Variants in KCNJ6 observed in about 807,000 individuals in gnomAD.
KCNJ6 encodes the protein G protein-activated inward rectifier potassium channel 2.
In KCNJ6, 9 loss-of-function variants were observed where a neutral mutation model predicts 34.2. The ratio of observed to expected loss-of-function variants is 0.26; its 90% CI spans 0.16 to 0.46. The LOEUF is 0.46. Ranked by LOEUF, KCNJ6 falls within the 20% of genes least tolerant of loss-of-function variation. KCNJ6 has a pLI of 1.00. For missense variants in KCNJ6, 236 were observed against 531.3 expected, an observed-to-expected ratio of 0.44 and a Z score of 5.46; for synonymous variants, 196 against 207.1, an observed-to-expected ratio of 0.95 and a Z score of 0.46.
At chr21:37,777,394 ACT>A (rs2123508654) in intron 2 of KCNJ6, among the ~76,000 whole-genome samples, 1 of 151,488 alleles carries the variant, frequency 6.6e-6, no homozygotes, top group East Asian at 1.9e-4. Flanking sequence ...CTTTCCCTGG[ACT>A]CTCTGATTGG....
intron 3 of KCNJ6, among the ~76,000 whole-genome samples, chr21:37,709,028 T>A (rs557423683): frequency 6.6e-6 from 1 of 152,350 alleles, no homozygotes; most frequent in African/African-American, 2.4e-5. Flanking sequence ...GCTTATTTAA[T>A]TTTGATTTCA....
At position 37,735,786 on chromosome 21, in the gene KCNJ6, C is replaced by T. The variant is rs1334874657; in HGVS notation, c.26-20655G>A. Among the ~76,000 whole-genome samples, 6 of 152,200 alleles carry T rather than the reference C, an allele frequency of 3.9e-5. No homozygotes were observed. The South Asian group carries it at 1.2e-3, about 31-fold the overall frequency. On this transcript the variant is annotated intron_variant, in intron 2 of 3. Transcript: ENST00000609713. ...GAGGATGCTGAAGGCACAGCTCCCA[C>T]CTCTACGGCAGCTGTGGCAGTGGCA...
At chr21:37,705,497 A>T (rs1193642644) in intron 3 of KCNJ6, among the ~76,000 whole-genome samples, 2 of 152,254 alleles carry the variant, frequency 1.3e-5, no homozygotes, top group African/African-American at 4.8e-5. Flanking sequence ...CTATGAGAAC[A>T]GTATGATTCA....
At chr21:37,792,650 G>A (rs1360654747) in intron 2 of KCNJ6, among the ~76,000 whole-genome samples, 1 of 152,084 alleles carries the variant, frequency 6.6e-6, no homozygotes, top group Non-Finnish European at 1.5e-5. Context: ...GTTTACATTG[G>A]CATTGTTTTG....
intron 3 of KCNJ6, among the ~76,000 whole-genome samples, chr21:37,692,449 C>T (rs1009736657): frequency 1.3e-5 from 2 of 152,170 alleles, no homozygotes; most frequent in African/African-American, 4.8e-5. Flanking sequence ...CCAGTCCCAG[C>T]TCCCACACTG....
At chr21:37,805,114 G>A (rs2055287472) in intron 2 of KCNJ6, among the ~76,000 whole-genome samples, 1 of 152,142 alleles carries the variant, frequency 6.6e-6, no homozygotes, top group Admixed American at 6.5e-5. Context: ...AGGAAAGGGG[G>A]CAGGTGGAAT....
chr21:37,832,791 G>A (rs576372596), intron 2 of KCNJ6, among the ~76,000 whole-genome samples: 31 of 152,202 alleles, frequency 2.0e-4, no homozygotes, highest in Admixed American at 5.2e-4. Flanking sequence ...AGGTCGGTGG[G>A]AAGAGAGAAC....
At chr21:37,639,297 A>G (rs1601398523) in intron 3 of KCNJ6, among the ~76,000 whole-genome samples, 3 of 152,248 alleles carry the variant, frequency 2.0e-5, no homozygotes, top group South Asian at 2.1e-4. Flanking sequence ...TTAATTCTAC[A>G]GATGCACTTT....
intron 1 of KCNJ6, among the ~76,000 whole-genome samples, chr21:37,849,802 A>G (rs756407262): frequency 6.6e-6 from 1 of 152,214 alleles, no homozygotes; most frequent in Non-Finnish European, 1.5e-5. Context: ...TGGATGTAGG[A>G]CTTGTCATTC....
At chr21:37,651,786 G>A (rs2054434863) in intron 3 of KCNJ6, among the ~76,000 whole-genome samples, 1 of 152,158 alleles carries the variant, frequency 6.6e-6, no homozygotes, top group Non-Finnish European at 1.5e-5. Flanking sequence ...GCTCTAAGAG[G>A]AGCTGTCAAA....
chr21:37,915,570 G>A (rs1311158296), intron 1 of KCNJ6, among the ~76,000 whole-genome samples: 2 of 152,232 alleles, frequency 1.3e-5, no homozygotes, highest in African/African-American at 4.8e-5. Context: ...GTCTTTGCCA[G>A]CGGATGTTGA....
chr21:37,787,523 G>A (rs552016564), intron 2 of KCNJ6, among the ~76,000 whole-genome samples: 6 of 152,328 alleles, frequency 3.9e-5, no homozygotes, highest in African/African-American at 1.4e-4. Flanking sequence ...ACCTTTGACA[G>A]TCTTCTACAT....
chr21:37,632,012 G>T (rs1240685839), intron 3 of KCNJ6, among the ~76,000 whole-genome samples: 1 of 152,112 alleles, frequency 6.6e-6, no homozygotes, highest in African/African-American at 2.4e-5. Flanking sequence ...GGCCCCGATT[G>T]TGTAAAACAA....
intron 2 of KCNJ6, among the ~76,000 whole-genome samples, chr21:37,767,264 T>C (rs951919685): frequency 2.0e-5 from 3 of 152,196 alleles, no homozygotes; most frequent in African/African-American, 4.8e-5. Flanking sequence ...TGCCTCGTCC[T>C]CACCTCAGGG....
At chr21:37,688,852 G>A (rs1281203178) in intron 3 of KCNJ6, among the ~76,000 whole-genome samples, 1 of 152,180 alleles carries the variant, frequency 6.6e-6, no homozygotes, top group Non-Finnish European at 1.5e-5. Context: ...ACAAGGACAT[G>A]ATGAAAGTGT....
At chr21:37,845,747 C>T (rs748000363) in intron 1 of KCNJ6, among the ~76,000 whole-genome samples, 1 of 152,168 alleles carries the variant, frequency 6.6e-6, no homozygotes, top group East Asian at 1.9e-4. Flanking sequence ...GCAAATTTCC[C>T]TGAAATTAGC....
intron 2 of KCNJ6, among the ~76,000 whole-genome samples, chr21:37,740,515 G>A (rs57543347): frequency 6.6e-6 from 1 of 152,062 alleles, no homozygotes; most frequent in Non-Finnish European, 1.5e-5. Context: ...CCCCTCCTTT[G>A]AGTTGTCCCG....
intron 3 of KCNJ6, among the ~76,000 whole-genome samples, chr21:37,685,723 A>G (rs1247254332): frequency 7.4e-6 from 1 of 135,730 alleles, no homozygotes. Flanking sequence ...TCCTATGGAT[A>G]TCAGAGGTTT....
intron 1 of KCNJ6, among the ~76,000 whole-genome samples, chr21:37,909,638 G>T (rs2055857974): frequency 6.6e-6 from 1 of 152,116 alleles, no homozygotes; most frequent in African/African-American, 2.4e-5. Context: ...CTAAAGTGCT[G>T]GGATTATAGG....
Sources: gnomAD v4.1 joint callset for allele counts (sites outside exome capture counted in the v4.1 genomes callset) on GRCh38, gnomAD v4.1.1 for gene constraint, MANE v1.5 for transcripts, NCBI Gene and HGNC (gene_info 2026-07-23, HGNC 2026-07-21) for gene names.